The following TTC38 variants were observed in gnomAD, a reference collection of about 807,000 sequenced individuals.
TTC38 encodes tetratricopeptide repeat domain 38.
In TTC38, 64 loss-of-function variants were observed where a neutral mutation model predicts 64.2. The observed-to-expected ratio is 1.00, with a 90% CI of 0.81 to 1.23. TTC38 has a LOEUF of 1.23. Among genes scored for constraint, TTC38 ranks in the 50% most tolerant of loss-of-function variants. TTC38 has a pLI of 0.00. For missense variants in TTC38, 573 were observed against 615.5 expected (o/e 0.93, Z 0.73); for synonymous variants, 254 against 249.3 (o/e 1.02, Z -0.18).
chr22:46,268,445 C>CGT (rs1601861289), intron 1 of TTC38, 69 bp from the exon 2 acceptor site: 16 of 1,502,176 alleles, frequency 1.1e-5, no homozygotes, highest in Admixed American at 1.7e-5. Flanking sequence ...GGCCAGGAGA[C>CGT]GTGTGTGTGT....
At chr22:46,279,964 C>CA (rs1266953541) in intron 6 of TTC38, 3 of 366,824 alleles carry the variant, frequency 8.2e-6, no homozygotes, top group East Asian at 8.3e-5. Flanking sequence ...TGAGGGTGGC[C>CA]AAAAAAACAT....
chr22:46,277,056 C>A (rs1201059113), intron 5 of TTC38, among the ~76,000 whole-genome samples: 1 of 147,738 alleles, frequency 6.8e-6, no homozygotes, highest in Admixed American at 6.7e-5. Flanking sequence ...TACACACACA[C>A]ACACACACAC....
rs938760068 is a variant in TTC38 at position 46,291,824 on chromosome 22, T to C, written c.1317-967T>C. On this transcript the variant is annotated intron_variant, in intron 13 of 13. Transcript: ENST00000381031. The surrounding 1 kb of genome is among the most constrained non-coding windows in gnomAD (Gnocchi z 4.6). ...ACAAAAAATTAGCCGGGCGTGGTGG[T>C]GGGTACCTGTAATCCCGGCTAGTCG... is the stretch of plus-strand genomic sequence containing the variant. Among the ~76,000 whole-genome samples, 14 of 152,034 alleles carry C rather than the reference T, an allele frequency of 9.2e-5. No homozygotes were observed. Among genetic ancestry groups the C allele is most frequent in the African/African-American group, 2.9e-4 (12 of 41,388 alleles).
In TTC38 at chr22:46,281,733, A is replaced by G; in HGVS notation, c.735+15A>G. ...CCTTCTGGAAGGTATGATGCTTGTC[A>G]ATGGGTCACCTCCCTGGGAAATTCA... On this transcript the variant is annotated intron_variant, in intron 7 of 13. Transcript: ENST00000381031. The surrounding 1 kb of genome is among the most constrained non-coding windows in gnomAD (Gnocchi z 5.2). The G allele has an allele frequency of 6.2e-7, 1 of 1,613,428 alleles. No individual in the cohort carries two copies. The highest frequency in any genetic ancestry group is 8.5e-7 in the Non-Finnish European group (1 of 1,179,980).
chr22:46,293,127 G>T lies in TTC38; in HGVS notation c.*243G>T. ...AGCAGTCACAGCCAGTGTGAGTGCTGCTCTTTCCACCTGCCTTGCAAATTC... is the reference window on the plus strand; with the variant it reads ...AGCAGTCACAGCCAGTGTGAGTGCTTCTCTTTCCACCTGCCTTGCAAATTC... On this transcript the variant is annotated 3_prime_UTR_variant, in exon 14 of 14. Transcript: ENST00000381031. This position sits in a 1 kb window ranked among gnomAD's most constrained non-coding sequence, Gnocchi z 6.6. 1 of 480,216 alleles carries T rather than the reference G, an allele frequency of 2.1e-6. No individual in the cohort carries two copies. The highest frequency in any genetic ancestry group is 2.9e-5 in the South Asian group (1 of 34,546). The allele number at this position is 480,216 out of a possible 1,614,324, so 29.7% of individuals were successfully genotyped here.
At chr22:46,290,139 G>GGC in intron 13 of TTC38, among the ~76,000 whole-genome samples, 1 of 150,348 alleles carries the variant, frequency 6.7e-6, no homozygotes, top group East Asian at 2.0e-4. Flanking sequence ...TTTTAGCCTT[G>GGC]CTAAGCTACC....
chr22:46,281,587 C>A lies in TTC38; in HGVS notation c.616-12C>A. 1 of 1,613,980 alleles carries A rather than the reference C, an allele frequency of 6.2e-7. No homozygotes were observed. The highest frequency in any genetic ancestry group is 8.5e-7 in the Non-Finnish European group (1 of 1,179,958). ...GCTTTATCTGGAATCCTCTTCCCCG[C>A]ACCCTGCGTAGGCTTTATCTATTAA... is the stretch of plus-strand genomic sequence containing the variant. On this transcript the variant is annotated splice_polypyrimidine_tract_variant and intron_variant, in intron 6 of 13. Coordinates refer to ENST00000381031, the MANE Select transcript of TTC38 (RefSeq NM_017931.4). This position sits in a 1 kb window ranked among gnomAD's most constrained non-coding sequence, Gnocchi z 5.2.
chr22:46,284,334 G>A (rs1302839641), intron 8 of TTC38, among the ~76,000 whole-genome samples: 2 of 152,158 alleles, frequency 1.3e-5, no homozygotes, highest in Admixed American at 6.5e-5. Context: ...ATCTTCCAAC[G>A]GGAGCCAGGC....
Position 46,274,515 on chromosome 22 carries a change from C to G in TTC38, c.365+446C>G, listed in dbSNP as rs1426305309. 6.6e-6 allele frequency among the ~76,000 whole-genome samples: 1 copy of G among 152,230 alleles called. No homozygotes were observed. Among genetic ancestry groups the G allele is most frequent in the African/African-American group, 2.4e-5 (1 of 41,460 alleles). On this transcript the variant is annotated intron_variant, in intron 4 of 13. Coordinates refer to ENST00000381031, the MANE Select transcript of TTC38 (RefSeq NM_017931.4). The surrounding 1 kb of genome is among the most constrained non-coding windows in gnomAD (Gnocchi z 4.8). ...GTTCCTATGCTGGTTCCCTCATTCT[C>G]CGGGACAGCCCCCATGTCTGCTCAG... is the stretch of plus-strand genomic sequence containing the variant.
rs1262705662 is a variant in TTC38, at chr22:46,289,757, G to A, written c.1243-69G>A. ...TGTCTCCCTGGAGAGCAGGCAGCCCGCGGTGGGCGGGGGCTCGCCTCCCCC... is the reference window on the plus strand; with the variant it reads ...TGTCTCCCTGGAGAGCAGGCAGCCCACGGTGGGCGGGGGCTCGCCTCCCCC... On this transcript the variant is annotated intron_variant, in intron 12 of 13. Transcript: ENST00000381031. 3.5e-5 allele frequency: 54 copies of A among 1,555,220 alleles called. No individual in the cohort carries two copies. In the South Asian group the frequency reaches 4.0e-4, roughly 12 times the overall value.
In TTC38 at chr22:46,293,703, T is replaced by G. The variant is rs1487681568; in HGVS notation, c.*819T>G. The G allele has an allele frequency of 2.0e-5, 3 of 152,342 alleles. No individual in the cohort carries two copies. The highest frequency in any genetic ancestry group is 2.9e-5 in the Non-Finnish European group (2 of 68,090). 9.4% of individuals were successfully genotyped at this position (152,342 alleles called of 1,614,324 possible). On this transcript the variant is annotated 3_prime_UTR_variant, in exon 14 of 14. Coordinates refer to ENST00000381031, the MANE Select transcript of TTC38 (RefSeq NM_017931.4). This position sits in a 1 kb window ranked among gnomAD's most constrained non-coding sequence, Gnocchi z 6.6. Reference sequence around the variant, plus strand: ...TGGCAAAACCCAAAGTGCTGTGATGTGTGGCTGTGACAAGCCTGGAGCGGG... The same window carrying G: ...TGGCAAAACCCAAAGTGCTGTGATGGGTGGCTGTGACAAGCCTGGAGCGGG...
chr22:46,278,901 G>A (rs574900702), intron 6 of TTC38, among the ~76,000 whole-genome samples: 4 of 152,346 alleles, frequency 2.6e-5, no homozygotes, highest in East Asian at 3.9e-4. Context: ...CTGGATCCAC[G>A]TCTACAGATG....
chr22:46,283,930 C>A, intron 7 of TTC38, 43 bp from the exon 8 acceptor site: 1 of 1,385,702 alleles, frequency 7.2e-7, no homozygotes, highest in Non-Finnish European at 9.9e-7. Flanking sequence ...TTCCCATAGG[C>A]CTTCAGACTT....
rs1936929305 is a variant in TTC38 at position 46,273,025 on chromosome 22, C to T, written c.193+609C>T. Among the ~76,000 whole-genome samples the T allele has an allele frequency of 6.6e-6, 1 of 152,208 alleles. No homozygotes were observed. Among genetic ancestry groups the T allele is most frequent in the South Asian group, 2.1e-4 (1 of 4,828 alleles). On this transcript the variant is annotated intron_variant, in intron 3 of 13. Transcript: ENST00000381031. The surrounding 1 kb of genome is among the most constrained non-coding windows in gnomAD (Gnocchi z 5.1). ...GGGGACAGGGCTCTTGTCAGTGCGG[C>T]AGGGACACCCTTCTCACCCTGCTGC...
Position 46,281,533 on chromosome 22 carries a change from G to GAGA in TTC38, c.616-66_616-65insAGA. 6.8e-7 allele frequency: 1 copy of GAGA among 1,474,950 alleles called. No homozygotes were observed. The highest frequency in any genetic ancestry group is 9.2e-7 in the Non-Finnish European group (1 of 1,091,824). The allele number at this position is 1,474,950 out of a possible 1,614,324, so 91.4% of individuals were successfully genotyped here. The stretch of plus-strand genomic sequence containing the variant: ...CCCTCTTGCCCCTTAGAGACCTGCC[G>GAGA]TCGCCTGCCCCGGCAGCCTGACTGA... On this transcript the variant is annotated intron_variant, in intron 6 of 13. Coordinates refer to ENST00000381031, the MANE Select transcript of TTC38 (RefSeq NM_017931.4). The surrounding 1 kb of genome is among the most constrained non-coding windows in gnomAD (Gnocchi z 5.2).
Position 46,274,486 on chromosome 22 carries a change from C to A in TTC38, c.365+417C>A, listed in dbSNP as rs529088927. ...TGCACTGACTTTCACATCATCCCCC[C>A]GCTGTTCCTATGCTGGTTCCCTCAT... On this transcript the variant is annotated intron_variant, in intron 4 of 13. Coordinates refer to ENST00000381031, the MANE Select transcript of TTC38 (RefSeq NM_017931.4). The surrounding 1 kb of genome is among the most constrained non-coding windows in gnomAD (Gnocchi z 4.8). Among the ~76,000 whole-genome samples the A allele has an allele frequency of 6.6e-6, 1 of 152,346 alleles. No homozygotes were observed. The highest frequency in any genetic ancestry group is 2.1e-4 in the South Asian group (1 of 4,824).
Position 46,281,498 on chromosome 22 carries a change from C to A in TTC38, c.616-101C>A. On this transcript the variant is annotated intron_variant, in intron 6 of 13. Transcript: ENST00000381031. The surrounding 1 kb of genome is among the most constrained non-coding windows in gnomAD (Gnocchi z 5.2). ...GCCCCCCCACTTGCTCCACCCCGTT[C>A]AGCCCAGGCCCCTCTTGCCCCTTAG... 14 of 1,244,088 alleles carry A rather than the reference C, an allele frequency of 1.1e-5. No homozygotes were observed. Among genetic ancestry groups the A allele is most frequent in the Non-Finnish European group, 1.5e-5 (13 of 891,156 alleles). 77.1% of individuals were successfully genotyped at this position (1,244,088 alleles called of 1,614,324 possible).
At position 46,281,567 on chromosome 22, in the gene TTC38, A is replaced by G; in HGVS notation, c.616-32A>G. The G allele has an allele frequency of 1.2e-6, 2 of 1,604,926 alleles. No individual in the cohort carries two copies. The highest frequency in any genetic ancestry group is 1.1e-5 in the South Asian group (1 of 90,924). ...CCCGGCAGCCTGACTGATCTGCTTT[A>G]TCTGGAATCCTCTTCCCCGCACCCT... On this transcript the variant is annotated intron_variant, in intron 6 of 13. Transcript: ENST00000381031. This position sits in a 1 kb window ranked among gnomAD's most constrained non-coding sequence, Gnocchi z 5.2.
chr22:46,286,628 C>T (rs1488454677), intron 9 of TTC38, among the ~76,000 whole-genome samples: 4 of 151,032 alleles, frequency 2.6e-5, no homozygotes, highest in Non-Finnish European at 4.4e-5. Context: ...GCCATTTGCA[C>T]TCCAGCCTGG....
Sources: allele counts gnomAD v4.1 joint callset (sites outside exome capture counted in the v4.1 genomes callset), GRCh38; gene constraint gnomAD v4.1.1; non-coding constraint Gnocchi (gnomAD v3.1); transcripts MANE v1.5; gene names NCBI Gene and HGNC (gene_info 2026-07-23, HGNC 2026-07-21).